ASPH: variants seen among roughly 807,000 people sequenced by gnomAD.
The protein encoded by ASPH is aspartate beta-hydroxylase.
In ASPH, 100 loss-of-function variants were observed where a neutral mutation model predicts 118.4. The observed-to-expected ratio is 0.84, with a 90% CI of 0.72 to 1.00. ASPH has a LOEUF of 1.00. Ranked by LOEUF, ASPH falls within the 50% of genes least tolerant of loss-of-function variation. ASPH has a pLI of 0.00. For missense variants in ASPH, 920 were observed against 919.5 expected, an observed-to-expected ratio of 1.00 and a Z score of -0.01; for synonymous variants, 315 against 325.6, an observed-to-expected ratio of 0.97 and a Z score of 0.35.
intron 5 of ASPH, among the ~76,000 whole-genome samples, chr8:61,648,682 A>C (rs565822888): frequency 4.8e-4 from 73 of 152,324 alleles, no homozygotes; most frequent in Admixed American, 1.0e-3. Flanking sequence ...CTCATCATGA[A>C]AAATTTCCTA....
chr8:61,559,909 G>A (rs573214282), intron 18 of ASPH, among the ~76,000 whole-genome samples: 1 of 141,360 alleles, frequency 7.1e-6, no homozygotes, highest in South Asian at 2.4e-4. Flanking sequence ...CGAGGGAGAT[G>A]ATCAGGGTTG....
At chr8:61,581,854 G>A (rs1837662236) in intron 15 of ASPH, among the ~76,000 whole-genome samples, 1 of 152,114 alleles carries the variant, frequency 6.6e-6, no homozygotes, top group Admixed American at 6.5e-5. Flanking sequence ...CCAGAGGTAG[G>A]AAAGCATTTT....
intron 3 of ASPH, chr8:61,663,684 A>G (rs1292723534): frequency 2.1e-5 from 21 of 980,804 alleles, no homozygotes; most frequent in Non-Finnish European, 2.5e-5. Flanking sequence ...ATAAAACTCG[A>G]AGTTATCAGG....
At position 61,668,690 on chromosome 8, in the gene ASPH, A is replaced by G. The variant is rs190480315; in HGVS notation, c.322+12278T>C. On this transcript the variant is annotated intron_variant, in intron 3 of 24. Coordinates refer to ENST00000379454, the MANE Select transcript of ASPH (RefSeq NM_004318.4). ...TCACACTTGCCATCCAAAAAAGGAT[A>G]GCATATTTTGATAGAGTTCATCTTT... Among the ~76,000 whole-genome samples, 120 of 152,328 alleles carry G rather than the reference A, an allele frequency of 7.9e-4. 1 individual carries two copies. Among genetic ancestry groups the G allele is most frequent in the African/African-American group, 2.8e-3 (116 of 41,590 alleles).
At chr8:61,591,574 C>T (rs903298423) in intron 14 of ASPH, among the ~76,000 whole-genome samples, 1 of 152,144 alleles carries the variant, frequency 6.6e-6, no homozygotes, top group African/African-American at 2.4e-5. Context: ...CAAGGTCTCG[C>T]TAATTTTAGA....
intron 14 of ASPH, among the ~76,000 whole-genome samples, chr8:61,618,674 CTTA>C (rs774999136): frequency 3.3e-5 from 5 of 152,154 alleles, no homozygotes; most frequent in Admixed American, 6.5e-5. Context: ...AGTTGGTACT[CTTA>C]TTATTCCTAC....
At chr8:61,665,180 T>C in intron 3 of ASPH, 2 of 1,517,976 alleles carry the variant, frequency 1.3e-6, no homozygotes, top group Non-Finnish European at 8.8e-7. Context: ...CAATATTACA[T>C]TTTCCATGCT....
intron 4 of ASPH, among the ~76,000 whole-genome samples, chr8:61,652,133 T>C (rs1473985457): frequency 6.6e-6 from 1 of 152,222 alleles, no homozygotes; most frequent in African/African-American, 2.4e-5. Context: ...ACAAGCCATT[T>C]ATATATGTAG....
chr8:61,686,495 T>C (rs1830596500), intron 1 of ASPH, among the ~76,000 whole-genome samples: 1 of 152,172 alleles, frequency 6.6e-6, no homozygotes, highest in Non-Finnish European at 1.5e-5. Flanking sequence ...GCACCACAGA[T>C]TCAGAAACAG....
chr8:61,536,287 C>G (rs1002384845), intron 21 of ASPH, among the ~76,000 whole-genome samples: 2 of 152,170 alleles, frequency 1.3e-5, no homozygotes, highest in Admixed American at 6.5e-5. Flanking sequence ...GATCTGCCCA[C>G]CTCAGCCTCC....
chr8:61,542,744 A>G (rs997781224), intron 21 of ASPH, among the ~76,000 whole-genome samples: 2 of 152,058 alleles, frequency 1.3e-5, no homozygotes, highest in Admixed American at 6.6e-5. Flanking sequence ...TTTTATGTCA[A>G]TCTAAAGAAC....
intron 2 of ASPH, among the ~76,000 whole-genome samples, chr8:61,681,453 T>G (rs1828012375): frequency 6.6e-6 from 1 of 151,772 alleles, no homozygotes; most frequent in African/African-American, 2.4e-5. Flanking sequence ...ACTATCAATA[T>G]CTGAACCAAA....
intron 2 of ASPH, chr8:61,682,532 A>AAT (rs745318181): frequency 1.2e-5 from 18 of 1,526,426 alleles, no homozygotes; most frequent in Admixed American, 1.7e-5. Context: ...TTAAAGGTAC[A>AAT]AATACTTAAA....
intron 14 of ASPH, among the ~76,000 whole-genome samples, chr8:61,591,197 C>A (rs1841022914): frequency 6.6e-6 from 1 of 152,072 alleles, no homozygotes; most frequent in Admixed American, 6.6e-5. Context: ...TGAATGCATG[C>A]AGGCATGAAT....
At chr8:61,646,590 A>C (rs966128907) in intron 6 of ASPH, among the ~76,000 whole-genome samples, 160 bp downstream of exon 6, 1 of 152,214 alleles carries the variant, frequency 6.6e-6, no homozygotes, top group African/African-American at 2.4e-5. Context: ...CAAGGTATCT[A>C]TTTTAAGAAA....
intron 1 of ASPH, among the ~76,000 whole-genome samples, chr8:61,685,815 GTC>G (rs1830273168): frequency 6.7e-6 from 1 of 149,754 alleles, no homozygotes; most frequent in African/African-American, 2.5e-5. Context: ...TTGAGACATG[GTC>G]TCCCTCTGTC....
At chr8:61,682,341 C>A in intron 2 of ASPH, 1 of 1,306,412 alleles carries the variant, frequency 7.7e-7, no homozygotes, top group Admixed American at 2.0e-5. Context: ...GGTCCTATCA[C>A]TTATATTCTG....
chr8:61,514,888 A>T (rs1490880338), intron 24 of ASPH, among the ~76,000 whole-genome samples: 1 of 151,458 alleles, frequency 6.6e-6, no homozygotes, highest in East Asian at 2.0e-4. Context: ...TTCTCTAGTG[A>T]TTTTGTTCCA....
intron 1 of ASPH, among the ~76,000 whole-genome samples, chr8:61,688,696 T>TA (rs1429594707): frequency 6.6e-6 from 1 of 152,230 alleles, no homozygotes; most frequent in Non-Finnish European, 1.5e-5. Context: ...TTCCATGCTA[T>TA]AAAATGTCAC....
Sources: gnomAD v4.1 joint callset for allele counts (sites outside exome capture counted in the v4.1 genomes callset) on GRCh38, gnomAD v4.1.1 for gene constraint, MANE v1.5 for transcripts, NCBI Gene and HGNC (gene_info 2026-07-23, HGNC 2026-07-21) for gene names.